REC114: variants seen among roughly 807,000 people sequenced by gnomAD.
REC114 encodes the protein REC114 meiotic recombination protein.
A neutral mutation model predicts 31.3 loss-of-function variants in REC114; 27 were observed. The ratio of observed to expected loss-of-function variants is 0.86; its 90% CI spans 0.64 to 1.19. REC114 has a LOEUF of 1.19. REC114 is among the 50% of genes most tolerant of loss of function. The probability of loss-of-function intolerance (pLI) is 0.00; values close to 1 mark genes in which losing one functional copy is unlikely to be tolerated. For synonymous variants in REC114, 134 were observed against 127.7 expected (o/e 1.05, Z -0.33); for missense variants, 344 against 326.9 (o/e 1.05, Z -0.40).
chr15:73,468,672 G>A (rs144955937), intron 1 of REC114, among the ~76,000 whole-genome samples: 196 of 147,598 alleles, frequency 1.3e-3, no homozygotes, highest in African/African-American at 5.0e-3. Context: ...TATGAAGTTA[G>A]CTGTAGTTTT....
At chr15:73,479,488 G>C (rs960323133) in intron 2 of REC114, among the ~76,000 whole-genome samples, 6 of 151,902 alleles carry the variant, frequency 3.9e-5, no homozygotes, top group African/African-American at 1.5e-4. Flanking sequence ...ATACAATATA[G>C]TGCTATTATC....
chr15:73,519,756 A>C (rs887290783), intron 2 of REC114, among the ~76,000 whole-genome samples: 1 of 152,242 alleles, frequency 6.6e-6, no homozygotes, highest in African/African-American at 2.4e-5. Flanking sequence ...ATGAGTAAAC[A>C]AAATGTGGTA....
At chr15:73,457,429 TCTC>T (rs1174230068) in intron 1 of REC114, among the ~76,000 whole-genome samples, 1 of 152,136 alleles carries the variant, frequency 6.6e-6, no homozygotes, top group Non-Finnish European at 1.5e-5. Context: ...AGGTCTCTCT[TCTC>T]TGGTGTTTTG....
At chr15:73,463,383 GATTTTCTTGT>G (rs1214742021) in intron 1 of REC114, among the ~76,000 whole-genome samples, 2 of 152,044 alleles carry the variant, frequency 1.3e-5, no homozygotes, top group African/African-American at 4.8e-5. Flanking sequence ...ATTCAGGTTG[GATTTTCTTGT>G]ATTTTCTTTA....
At chr15:73,541,682 T>C (rs890103889) in intron 3 of REC114, among the ~76,000 whole-genome samples, 3 of 152,192 alleles carry the variant, frequency 2.0e-5, no homozygotes, top group African/African-American at 7.2e-5. Context: ...CTTAAGCCAA[T>C]AGCCCAGGTT....
chr15:73,507,417 C>T (rs1383807037), intron 2 of REC114, among the ~76,000 whole-genome samples: 1 of 151,740 alleles, frequency 6.6e-6, no homozygotes, highest in Admixed American at 6.6e-5. Context: ...TATGTGTGGC[C>T]CAAGACAATT....
intron 2 of REC114, among the ~76,000 whole-genome samples, chr15:73,524,602 T>C (rs1432741784): frequency 6.6e-6 from 1 of 152,146 alleles, no homozygotes; most frequent in Non-Finnish European, 1.5e-5. Context: ...TCTTTTTATT[T>C]TTCTTTTTTT....
Position 73,560,006 on chromosome 15 carries a change from T to A in REC114, c.*90T>A. 1 of 1,216,008 alleles carries A rather than the reference T, an allele frequency of 8.2e-7. No homozygotes were observed. The highest frequency in any genetic ancestry group is 1.1e-6 in the Non-Finnish European group (1 of 877,524). The allele number at this position is 1,216,008 out of a possible 1,614,324, so 75.3% of individuals were successfully genotyped here. A position where few individuals can be genotyped will look rare whatever the true frequency, so the allele number is the denominator to read the frequency against. ...AAGAAGATATTAGAATAAAGAGTAT[T>A]ATCCAAACACCTTTTATCAATGTTT... On this transcript the variant is annotated 3_prime_UTR_variant, in exon 6 of 6. Transcript: ENST00000331090.
At chr15:73,546,817 GAAAAAAA>G (rs11421177) in intron 3 of REC114, among the ~76,000 whole-genome samples, 3 of 115,856 alleles carry the variant, frequency 2.6e-5, no homozygotes, top group African/African-American at 9.9e-5. Flanking sequence ...TCTGTCTCAG[GAAAAAAA>G]AAAAAAAAAA....
chr15:73,491,194 A>ATTATC (rs1417528222), intron 2 of REC114, among the ~76,000 whole-genome samples: 2 of 5,778 alleles, frequency 3.5e-4, no homozygotes, highest in African/African-American at 3.3e-4. Context: ...AATTTTGTGT[A>ATTATC]TTTGTGTATT....
intron 2 of REC114, chr15:73,483,469 T>A (rs1467792470): frequency 1.3e-5 from 2 of 153,002 alleles, no homozygotes. Context: ...TGAGCATCTT[T>A]TTCCTCTGGA....
At chr15:73,519,378 A>G (rs1344549397) in intron 2 of REC114, among the ~76,000 whole-genome samples, 1 of 152,170 alleles carries the variant, frequency 6.6e-6, no homozygotes, top group African/African-American at 2.4e-5. Flanking sequence ...CAGCACCTTG[A>G]TCTTGGACTT....
chr15:73,550,666 T>C (rs903755351), intron 3 of REC114, among the ~76,000 whole-genome samples: 3 of 152,190 alleles, frequency 2.0e-5, no homozygotes, highest in Non-Finnish European at 4.4e-5. Flanking sequence ...GCAATCAGTA[T>C]AGTGATCTTC....
chr15:73,486,347 T>C (rs1381286065), intron 2 of REC114, among the ~76,000 whole-genome samples: 2 of 152,092 alleles, frequency 1.3e-5, no homozygotes, highest in Non-Finnish European at 2.9e-5. Context: ...CTGCCCGTCT[T>C]GGCCTCCCAA....
At chr15:73,450,877 G>C (rs1275211532) in intron 1 of REC114, among the ~76,000 whole-genome samples, 1 of 152,172 alleles carries the variant, frequency 6.6e-6, no homozygotes, top group Non-Finnish European at 1.5e-5. Context: ...ACCTGCTCTT[G>C]AATGACTACT....
At chr15:73,522,792 A>G (rs1893953672) in intron 2 of REC114, among the ~76,000 whole-genome samples, 1 of 152,224 alleles carries the variant, frequency 6.6e-6, no homozygotes, top group South Asian at 2.1e-4. Flanking sequence ...AAGTAAGTAC[A>G]TAAGAGTTAA....
chr15:73,475,768 T>C (rs1329465076), intron 2 of REC114, among the ~76,000 whole-genome samples: 2 of 152,142 alleles, frequency 1.3e-5, no homozygotes, highest in African/African-American at 4.8e-5. Flanking sequence ...ACACACTTAA[T>C]TAGGATAGTT....
chr15:73,544,616 C>T (rs1281142087), intron 3 of REC114, among the ~76,000 whole-genome samples: 2 of 152,126 alleles, frequency 1.3e-5, no homozygotes, highest in Non-Finnish European at 2.9e-5. Flanking sequence ...AAGAAGGAAA[C>T]CCAAACAACC....
intron 2 of REC114, among the ~76,000 whole-genome samples, chr15:73,538,832 G>A (rs1045872805): frequency 2.0e-5 from 3 of 151,356 alleles, no homozygotes; most frequent in Admixed American, 1.3e-4. Flanking sequence ...CCATTGTATA[G>A]AGTACCACAA....
Sources: gnomAD v4.1 joint callset for allele counts (sites outside exome capture counted in the v4.1 genomes callset) on GRCh38, gnomAD v4.1.1 for gene constraint, MANE v1.5 for transcripts, NCBI Gene and HGNC (gene_info 2026-07-23, HGNC 2026-07-21) for gene names.